The following CSMD3 variants were observed in gnomAD, a reference collection of about 807,000 sequenced individuals.
CSMD3 encodes CUB and sushi domain-containing protein 3.
Under a neutral mutation model 435.2 loss-of-function variants are expected in CSMD3, and 177 were observed. The observed-to-expected ratio is 0.41, with a 90% confidence interval of 0.36 to 0.46. The LOEUF is 0.46. Ranked by LOEUF, CSMD3 falls within the 20% of genes least tolerant of loss-of-function variation. The probability of loss-of-function intolerance (pLI) is 0.34; values close to 1 mark genes in which losing one functional copy is unlikely to be tolerated. For missense variants in CSMD3, 4,265 were observed against 4,504.6 expected, an observed-to-expected ratio of 0.95 and a Z score of 1.52; for synonymous variants, 1,656 against 1,520.5, an observed-to-expected ratio of 1.09 and a Z score of -2.07.
At chr8:113,179,831 T>G (rs1392759717) in intron 3 of CSMD3, among the ~76,000 whole-genome samples, 1 of 151,788 alleles carries the variant, frequency 6.6e-6, no homozygotes, top group African/African-American at 2.4e-5. Flanking sequence ...AAAAAAAGTG[T>G]GTGATTAATA....
intron 1 of CSMD3, among the ~76,000 whole-genome samples, chr8:113,318,494 G>A (rs2093926439): frequency 6.6e-6 from 1 of 151,904 alleles, no homozygotes; most frequent in Non-Finnish European, 1.5e-5. Context: ...TTCATTAACT[G>A]TAGTCCTAAT....
chr8:113,368,244 C>A (rs1485841597), intron 1 of CSMD3, among the ~76,000 whole-genome samples: 1 of 152,024 alleles, frequency 6.6e-6, no homozygotes. Context: ...ACCAAAGAAC[C>A]TTTTCATTTG....
At chr8:112,704,425 T>A (rs2076454748) in intron 13 of CSMD3, among the ~76,000 whole-genome samples, 1 of 152,156 alleles carries the variant, frequency 6.6e-6, no homozygotes. Flanking sequence ...CACAAGCCAT[T>A]TATATCGTCA....
intron 67 of CSMD3, among the ~76,000 whole-genome samples, chr8:112,235,027 A>G (rs17554221): frequency 0.18 from 26,729 of 152,180 alleles, 2,895 homozygotes; most frequent in Middle Eastern, 0.33. Flanking sequence ...AAAGCCAGAG[A>G]GAGATCATTT....
intron 28 of CSMD3, 21 bp from the exon 29 acceptor site, chr8:112,506,850 T>TA (rs1301630047): frequency 6.3e-7 from 1 of 1,594,368 alleles, no homozygotes; most frequent in East Asian, 2.3e-5. Context: ...AACAAACAAA[T>TA]AAAATCTCTT....
At chr8:112,622,460 T>C (rs1834150381) in intron 22 of CSMD3, among the ~76,000 whole-genome samples, 2 of 152,176 alleles carry the variant, frequency 1.3e-5, no homozygotes, top group Non-Finnish European at 2.9e-5. Context: ...TGGATGTCCA[T>C]CACTTTTTAA....
At chr8:112,807,326 A>G (rs1195179163) in intron 12 of CSMD3, among the ~76,000 whole-genome samples, 1 of 152,140 alleles carries the variant, frequency 6.6e-6, no homozygotes, top group African/African-American at 2.4e-5. Context: ...CAATTTAATA[A>G]TATTTACTGG....
At chr8:112,521,567 T>G (rs1032691162) in intron 27 of CSMD3, among the ~76,000 whole-genome samples, 2 of 151,916 alleles carry the variant, frequency 1.3e-5, no homozygotes, top group Non-Finnish European at 2.9e-5. Context: ...CTGGAGTACC[T>G]TAGGAATTAG....
At chr8:112,992,139 A>C (rs1455985132) in intron 6 of CSMD3, among the ~76,000 whole-genome samples, 2 of 151,882 alleles carry the variant, frequency 1.3e-5, no homozygotes, top group African/African-American at 4.8e-5. Context: ...AATTTAATTG[A>C]ATTATATAAT....
intron 23 of CSMD3, among the ~76,000 whole-genome samples, chr8:112,577,778 C>T (rs543736585): frequency 2.8e-4 from 43 of 152,056 alleles, no homozygotes; most frequent in African/African-American, 9.9e-4. Context: ...TAGGTTGAAC[C>T]GTATTACAAC....
chr8:113,069,965 A>C (rs1339482677), intron 5 of CSMD3, among the ~76,000 whole-genome samples: 5 of 152,126 alleles, frequency 3.3e-5, no homozygotes, highest in Non-Finnish European at 7.4e-5. Flanking sequence ...CACTTTGTCT[A>C]ACTGAGAAAC....
intron 6 of CSMD3, among the ~76,000 whole-genome samples, chr8:112,990,964 A>C (rs2085435484): frequency 6.6e-6 from 1 of 151,850 alleles, no homozygotes; most frequent in Non-Finnish European, 1.5e-5. Flanking sequence ...GAAATTAAAA[A>C]GTAAAATTTT....
At chr8:113,366,892 T>C (rs913494970) in intron 1 of CSMD3, among the ~76,000 whole-genome samples, 4 of 152,038 alleles carry the variant, frequency 2.6e-5, no homozygotes, top group Non-Finnish European at 4.4e-5. Context: ...CGGAAATCAT[T>C]GGTGTTAAAG....
At chr8:113,219,721 C>T (rs1269601932) in intron 3 of CSMD3, among the ~76,000 whole-genome samples, 1 of 151,348 alleles carries the variant, frequency 6.6e-6, no homozygotes, top group African/African-American at 2.4e-5. Flanking sequence ...TATTAAATTC[C>T]TCTATACTGG....
intron 24 of CSMD3, among the ~76,000 whole-genome samples, chr8:112,569,643 C>T (rs1272051364): frequency 6.6e-6 from 1 of 152,056 alleles, no homozygotes; most frequent in Non-Finnish European, 1.5e-5. Context: ...TAATGGAATA[C>T]AGGGTGACTA....
At chr8:113,025,072 G>A (rs2086825525) in intron 5 of CSMD3, among the ~76,000 whole-genome samples, 1 of 151,648 alleles carries the variant, frequency 6.6e-6, no homozygotes, top group African/African-American at 2.4e-5. Flanking sequence ...TTTTTTTTAA[G>A]GCTGAAATGT....
At chr8:112,709,560 A>T (rs1303960648) in intron 13 of CSMD3, among the ~76,000 whole-genome samples, 1 of 152,128 alleles carries the variant, frequency 6.6e-6, no homozygotes, top group Non-Finnish European at 1.5e-5. Context: ...GAAACAGAAA[A>T]AAATACTAAA....
intron 22 of CSMD3, among the ~76,000 whole-genome samples, chr8:112,630,587 C>G (rs1402347049): frequency 1.3e-5 from 2 of 151,848 alleles, no homozygotes; most frequent in African/African-American, 4.8e-5. Flanking sequence ...GAGAGCTGGG[C>G]TAGGACAAAG....
chr8:113,234,929 T>C (rs1052642391), intron 3 of CSMD3, among the ~76,000 whole-genome samples: 1 of 152,088 alleles, frequency 6.6e-6, no homozygotes, highest in African/African-American at 2.4e-5. Flanking sequence ...CCAAACTAAA[T>C]GGTTCGACCA....
Sources: allele counts gnomAD v4.1 joint callset (sites outside exome capture counted in the v4.1 genomes callset), GRCh38; gene constraint gnomAD v4.1.1; transcripts MANE v1.5; gene names NCBI Gene and HGNC (gene_info 2026-07-23, HGNC 2026-07-21).